ABHD18: variants seen among roughly 807,000 people sequenced by gnomAD.
The protein encoded by ABHD18 is cardiolipin-specific deacylase, mitochondrial.
Under a neutral mutation model 65.9 loss-of-function variants are expected in ABHD18, and 55 were observed. The ratio of observed to expected loss-of-function variants is 0.84; its 90% CI spans 0.67 to 1.05. ABHD18 has a LOEUF of 1.05. ABHD18 is among the 50% of genes least tolerant of loss of function. The pLI is 0.00. For synonymous variants in ABHD18, 181 were observed against 180.2 expected (o/e 1.00, Z -0.04); for missense variants, 533 against 558.5 (o/e 0.95, Z 0.46).
At chr4:127,987,511 A>C (rs1283299397) in intron 3 of ABHD18, among the ~76,000 whole-genome samples, 1 of 152,062 alleles carries the variant, frequency 6.6e-6, no homozygotes, top group Non-Finnish European at 1.5e-5. Context: ...GAAGTTCGAG[A>C]CCAGCCTGGC....
At chr4:127,981,007 A>G (rs1748941503) in intron 1 of ABHD18, among the ~76,000 whole-genome samples, 1 of 151,826 alleles carries the variant, frequency 6.6e-6, no homozygotes, top group Non-Finnish European at 1.5e-5. Flanking sequence ...TGCTTTACCC[A>G]CTGGGTAGAT....
intron 1 of ABHD18, among the ~76,000 whole-genome samples, chr4:127,979,673 T>C (rs1445394275): frequency 6.6e-6 from 1 of 152,116 alleles, no homozygotes; most frequent in Non-Finnish European, 1.5e-5. Flanking sequence ...CCCAGCACTT[T>C]GGGAGGCCGA....
chr4:128,035,092 A>G (rs182884444), intron 12 of ABHD18, among the ~76,000 whole-genome samples: 70 of 152,342 alleles, frequency 4.6e-4, no homozygotes, highest in African/African-American at 1.7e-3. Flanking sequence ...ACAGAATCTT[A>G]CATTCTGAAA....
Position 128,030,661 on chromosome 4 carries a change from A to C in ABHD18, c.1332A>C (p.Gln444His), listed in dbSNP as rs1158014749. 5 of 1,591,132 alleles carry C rather than the reference A, an allele frequency of 3.1e-6. No individual in the cohort carries two copies. Among genetic ancestry groups the C allele is most frequent in the Admixed American group, 1.9e-5 (1 of 51,402 alleles). Residue 444 changes from glutamine to histidine, a missense_variant, in exon 12 of 13, where the codon CAA (glutamine) becomes CAC (histidine). Transcript: ENST00000645843. ...ATATTAGTGCTTATCTTTTTAAACAAGGACTCTTCAGGTAAGACGGCTGGT... is the reference window on the plus strand; with the variant it reads ...ATATTAGTGCTTATCTTTTTAAACACGGACTCTTCAGGTAAGACGGCTGGT... ...GGHISAYLFK[Q>H]GLFRQAIYDA...
chr4:127,966,796 A>G (rs1395816124), intron 1 of ABHD18, among the ~76,000 whole-genome samples: 1 of 145,388 alleles, frequency 6.9e-6, no homozygotes, highest in Non-Finnish European at 1.5e-5. Context: ...GAGGCAGGAG[A>G]ATCCCTTGAA....
At chr4:128,034,840 C>T (rs1201183132) in intron 12 of ABHD18, among the ~76,000 whole-genome samples, 3 of 152,054 alleles carry the variant, frequency 2.0e-5, no homozygotes, top group East Asian at 1.9e-4. Context: ...TTAGTAGAGA[C>T]GGGGTTTCTC....
intron 10 of ABHD18, among the ~76,000 whole-genome samples, chr4:128,025,710 T>C (rs1757238306): frequency 6.6e-6 from 1 of 152,218 alleles, no homozygotes; most frequent in Non-Finnish European, 1.5e-5. Flanking sequence ...TTATGTCAGT[T>C]TACACCACCA....
At chr4:128,011,589 G>A (rs1352144374) in intron 6 of ABHD18, 84 bp from the exon 7 acceptor site, 3 of 1,011,326 alleles carry the variant, frequency 3.0e-6, no homozygotes, top group East Asian at 2.8e-5. Flanking sequence ...ATTAAATTGT[G>A]TAAAATTTAA....
At chr4:127,972,450 C>A (rs1055783153) in intron 1 of ABHD18, among the ~76,000 whole-genome samples, 5 of 150,158 alleles carry the variant, frequency 3.3e-5, no homozygotes, top group African/African-American at 1.2e-4. Flanking sequence ...AACAGACACT[C>A]ATCACTTAAG....
In ABHD18 at chr4:128,035,972, G is replaced by A. The variant is rs572594565; in HGVS notation, c.*159G>A. On this transcript the variant is annotated 3_prime_UTR_variant, in exon 13 of 13. Coordinates refer to ENST00000645843, the MANE Select transcript of ABHD18 (RefSeq NM_001358451.3). ...TACACATCAGTTAACTATAAACTTC[G>A]AATACATTTGAATAATTTCAAGATA... 1.4e-3 allele frequency: 608 copies of A among 424,416 alleles called. No individual in the cohort carries two copies. The highest frequency in any genetic ancestry group is 2.3e-3 in the Non-Finnish European group (548 of 239,182). 26.3% of individuals were successfully genotyped at this position (424,416 alleles called of 1,614,324 possible). A position where few individuals can be genotyped will look rare whatever the true frequency, so the allele number is the denominator to read the frequency against.
chr4:127,998,214 T>TTC, intron 4 of ABHD18, among the ~76,000 whole-genome samples: 3 of 151,254 alleles, frequency 2.0e-5, no homozygotes, highest in East Asian at 1.9e-4. Flanking sequence ...ACTTCCTCTT[T>TTC]TCTCTCTCTC....
At chr4:128,021,497 T>C (rs1756491785) in intron 10 of ABHD18, among the ~76,000 whole-genome samples, 1 of 151,934 alleles carries the variant, frequency 6.6e-6, no homozygotes, top group Non-Finnish European at 1.5e-5. Flanking sequence ...CTACTAAAAA[T>C]ACAAAAATTA....
chr4:128,039,144 CATATATATATATATATATATAT>C lies in ABHD18; in HGVS notation c.*3351_*3372del, dbSNP rs61578534. 3.5e-4 allele frequency: 35 copies of C among 99,762 alleles called. No individual in the cohort carries two copies. Among genetic ancestry groups the C allele is most frequent in the African/African-American group, 7.1e-4 (19 of 26,780 alleles). The allele number at this position is 99,762 out of a possible 1,614,324, so 6.2% of individuals were successfully genotyped here. A position where few individuals can be genotyped will look rare whatever the true frequency, so the allele number is the denominator to read the frequency against. ...TATGTATTATATATACACACATATG[CATATATATATATATATATATAT>C]ATATATATATATATATATAATCTCA... On this transcript the variant is annotated 3_prime_UTR_variant, in exon 13 of 13. Coordinates refer to ENST00000645843, the MANE Select transcript of ABHD18 (RefSeq NM_001358451.3).
At chr4:127,976,809 A>C (rs925861385) in intron 1 of ABHD18, among the ~76,000 whole-genome samples, 6 of 152,154 alleles carry the variant, frequency 3.9e-5, no homozygotes, top group Non-Finnish European at 8.8e-5. Flanking sequence ...TGGAAGACCA[A>C]GGCGGGCGGA....
chr4:128,026,374 G>T (rs970884755), intron 10 of ABHD18, among the ~76,000 whole-genome samples: 2 of 151,732 alleles, frequency 1.3e-5, no homozygotes, highest in African/African-American at 2.4e-5. Context: ...CAGGAGAATC[G>T]CTTGAACCCA....
chr4:127,965,928 T>A (rs1171430229), intron 1 of ABHD18: 1 of 152,394 alleles, frequency 6.6e-6, no homozygotes, highest in Non-Finnish European at 1.5e-5. Context: ...GGACTGAAGG[T>A]GGGATCTGCT....
At chr4:128,023,403 C>CAAAAAAAA (rs59549849) in intron 10 of ABHD18, among the ~76,000 whole-genome samples, 2 of 44,950 alleles carry the variant, frequency 4.4e-5, no homozygotes, top group Admixed American at 4.6e-4. Flanking sequence ...CTTGTCTCTA[C>CAAAAAAAA]AAAAAAAAAA....
chr4:128,010,963 G>A (rs1363401944), intron 6 of ABHD18, among the ~76,000 whole-genome samples: 1 of 150,138 alleles, frequency 6.7e-6, no homozygotes, highest in Non-Finnish European at 1.5e-5. Context: ...TAATATGGTT[G>A]TCTGTAGATA....
chr4:128,003,646 A>G (rs1201001109), intron 4 of ABHD18, among the ~76,000 whole-genome samples: 1 of 152,056 alleles, frequency 6.6e-6, no homozygotes, highest in Non-Finnish European at 1.5e-5. Flanking sequence ...TTTTTTATAT[A>G]TTTGGAAGTA....
Sources: gnomAD v4.1 joint callset for allele counts (sites outside exome capture counted in the v4.1 genomes callset) on GRCh38, gnomAD v4.1.1 for gene constraint, MANE v1.5 for transcripts, NCBI Gene and HGNC (gene_info 2026-07-23, HGNC 2026-07-21) for gene names.